The following MTPN variants were observed in gnomAD, a reference collection of about 807,000 sequenced individuals.
MTPN encodes the protein granule cell differentiation protein.
In MTPN, 2 loss-of-function variants were observed where a neutral mutation model predicts 13.5. The ratio of observed to expected loss-of-function variants is 0.15; its 90% confidence interval spans 0.06 to 0.47. The LOEUF is 0.47. Among genes scored for constraint, MTPN ranks in the 20% least tolerant of loss-of-function variants. The pLI is 0.97. For synonymous variants in MTPN, 46 were observed against 51.7 expected (o/e 0.89, Z 0.48); for missense variants, 79 against 137.9 (o/e 0.57, Z 2.14).
chr7:135,942,946 T>C (rs1584808946), intron 3 of MTPN, among the ~76,000 whole-genome samples: 2 of 152,234 alleles, frequency 1.3e-5, no homozygotes, highest in African/African-American at 2.4e-5. Context: ...TACTTGTGTA[T>C]GAGATTTGTG....
rs888775091 is a variant in MTPN, at chr7:135,927,330, G to T, written c.*2596C>A. On this transcript the variant is annotated 3_prime_UTR_variant, in exon 4 of 4. Coordinates refer to ENST00000393085, the MANE Select transcript of MTPN (RefSeq NM_145808.4). ...CTTGGGATATTCAAGTGCTGTATTT[G>T]AACGATAAGCCTATAGATAACAGTC... is the stretch of plus-strand genomic sequence containing the variant. 1.0e-5 allele frequency: 16 copies of T among 1,551,010 alleles called. No homozygotes were observed. The highest frequency in any genetic ancestry group is 3.3e-4 in the Middle Eastern group (2 of 6,012).
At chr7:135,942,845 A>G (rs894979795) in intron 3 of MTPN, among the ~76,000 whole-genome samples, 1 of 152,216 alleles carries the variant, frequency 6.6e-6, no homozygotes, top group Non-Finnish European at 1.5e-5. Flanking sequence ...GCACCCCAGC[A>G]CATAGCACAG....
chr7:135,954,205 G>A (rs900825478), intron 1 of MTPN, among the ~76,000 whole-genome samples: 1 of 152,154 alleles, frequency 6.6e-6, no homozygotes, highest in Non-Finnish European at 1.5e-5. Context: ...CTGACACATT[G>A]TTTAACAAAT....
chr7:135,946,413 G>GCCTCA (rs1033639268), intron 3 of MTPN, among the ~76,000 whole-genome samples: 3 of 152,146 alleles, frequency 2.0e-5, no homozygotes, highest in Admixed American at 6.5e-5. Flanking sequence ...ACCACTGAGG[G>GCCTCA]TTAGGGTTTT....
intron 1 of MTPN, among the ~76,000 whole-genome samples, chr7:135,963,576 C>T (rs539026084): frequency 2.0e-4 from 31 of 152,104 alleles, no homozygotes; most frequent in East Asian, 5.8e-4. Context: ...TCTGTAAGGA[C>T]GAAAGTATAA....
chr7:135,958,009 AC>A (rs1799469075), intron 1 of MTPN, among the ~76,000 whole-genome samples: 1 of 151,888 alleles, frequency 6.6e-6, no homozygotes, highest in African/African-American at 2.4e-5. Flanking sequence ...AGCCTCAGAT[AC>A]TCCTTTGTAA....
chr7:135,933,402 T>C (rs1480879680), intron 3 of MTPN, among the ~76,000 whole-genome samples: 1 of 152,152 alleles, frequency 6.6e-6, no homozygotes, highest in Non-Finnish European at 1.5e-5. Context: ...TAAACCTGTA[T>C]TTCTTGTTCC....
Position 135,929,407 on chromosome 7 carries a change from C to CT in MTPN, c.*518dup, listed in dbSNP as rs1562927295. ...ACCGAGGAAAGATTTGGTCACCAAC[C>CT]TTATAGGCAGCGCTCTTAACTATGC... On this transcript the variant is annotated 3_prime_UTR_variant, in exon 4 of 4. Coordinates refer to ENST00000393085, the MANE Select transcript of MTPN (RefSeq NM_145808.4). 6.0e-6 allele frequency: 1 copy of CT among 167,960 alleles called. No individual in the cohort carries two copies. The highest frequency in any genetic ancestry group is 1.5e-5 in the Non-Finnish European group (1 of 68,770). The allele number at this position is 167,960 out of a possible 1,614,324, so 10.4% of individuals were successfully genotyped here.
chr7:135,946,482 C>CT (rs56754180), intron 3 of MTPN, among the ~76,000 whole-genome samples: 73,953 of 151,866 alleles, frequency 0.49, 18,240 homozygotes, highest in East Asian at 0.6. Flanking sequence ...GGTTGGCAAA[C>CT]ATGGCCTGGA....
intron 1 of MTPN, among the ~76,000 whole-genome samples, chr7:135,961,429 A>G (rs1799520404): frequency 6.6e-6 from 1 of 152,132 alleles, no homozygotes; most frequent in Non-Finnish European, 1.5e-5. Context: ...GACTGGTCTC[A>G]TATTTGTGGC....
intron 3 of MTPN, among the ~76,000 whole-genome samples, chr7:135,950,348 CTG>C (rs139970410): frequency 0.012 from 1,895 of 151,842 alleles, 46 homozygotes; most frequent in African/African-American, 0.044. Context: ...AAGCTGGTTT[CTG>C]TGTGTGTGTG....
At chr7:135,950,487 T>C (rs1053761050) in intron 3 of MTPN, 112 bp downstream of exon 3, 8 of 857,386 alleles carry the variant, frequency 9.3e-6, no homozygotes, top group Non-Finnish European at 1.3e-5. Flanking sequence ...TTTTGTATAT[T>C]GCTTCCAGTT....
At chr7:135,969,010 C>T (rs976031948) in intron 1 of MTPN, among the ~76,000 whole-genome samples, 2 of 145,010 alleles carry the variant, frequency 1.4e-5, no homozygotes, top group Non-Finnish European at 3.0e-5. Context: ...TCAATTCCCA[C>T]CTATGAGTGA....
At chr7:135,939,261 T>G (rs1378306870) in intron 3 of MTPN, among the ~76,000 whole-genome samples, 1 of 152,084 alleles carries the variant, frequency 6.6e-6, no homozygotes, top group African/African-American at 2.4e-5. Context: ...ACCACCCAAT[T>G]ACCTCTCATT....
chr7:135,958,046 GGCATTTT>G (rs59344871), intron 1 of MTPN, among the ~76,000 whole-genome samples: 14,865 of 151,928 alleles, frequency 0.098, 1,038 homozygotes, highest in African/African-American at 0.2. Context: ...TAAAACACGT[GGCATTTT>G]AGGACTGGGC....
At chr7:135,933,098 CAAAAAA>C (rs56865854) in intron 3 of MTPN, among the ~76,000 whole-genome samples, 1 of 63,066 alleles carries the variant, frequency 1.6e-5, no homozygotes, top group African/African-American at 6.2e-5. Flanking sequence ...CACTCAGCCT[CAAAAAA>C]AAAAAAAAAA....
intron 1 of MTPN, among the ~76,000 whole-genome samples, chr7:135,962,483 T>C (rs576321051): frequency 1.1e-4 from 16 of 152,176 alleles, no homozygotes; most frequent in South Asian, 8.3e-4. Context: ...ATATTACTTA[T>C]GGACACAACC....
chr7:135,955,623 G>C (rs1799431475), intron 1 of MTPN, among the ~76,000 whole-genome samples: 1 of 152,066 alleles, frequency 6.6e-6, no homozygotes, highest in African/African-American at 2.4e-5. Context: ...GATGTTATAA[G>C]AAAATACTGT....
Position 135,929,829 on chromosome 7 carries a change from G to T in MTPN, c.*97C>A. The T allele has an allele frequency of 2.5e-6, 3 of 1,183,956 alleles. No homozygotes were observed. The highest frequency in any genetic ancestry group is 3.8e-6 in the Non-Finnish European group (3 of 792,930). The allele number at this position is 1,183,956 out of a possible 1,614,324, so 73.3% of individuals were successfully genotyped here. On this transcript the variant is annotated 3_prime_UTR_variant, in exon 4 of 4. Transcript: ENST00000393085. Reference sequence around the variant, plus strand: ...CCCCTCACCCCTCTTAAAGTATTTAGCTGAAGAAGCTGGCAGATAGAGAGT... The same window carrying T: ...CCCCTCACCCCTCTTAAAGTATTTATCTGAAGAAGCTGGCAGATAGAGAGT...
Sources: allele counts gnomAD v4.1 joint callset (sites outside exome capture counted in the v4.1 genomes callset), GRCh38; gene constraint gnomAD v4.1.1; transcripts MANE v1.5; gene names NCBI Gene and HGNC (gene_info 2026-07-23, HGNC 2026-07-21).